Variants in SYT9 observed in about 807,000 individuals in gnomAD.
The protein encoded by SYT9 is synaptotagmin-9.
SYT9 carries 22 observed loss-of-function variants against 48.4 expected under a neutral mutation model. The observed-to-expected ratio is 0.45, with a 90% CI of 0.32 to 0.65. The LOEUF is 0.65. SYT9 is among the 30% of genes least tolerant of loss of function. The pLI is 0.03. For missense variants in SYT9, 577 were observed against 622.0 expected, an observed-to-expected ratio of 0.93 and a Z score of 0.77; for synonymous variants, 265 against 245.0, an observed-to-expected ratio of 1.08 and a Z score of -0.76.
chr11:7,380,598 T>TA (rs79350021), intron 3 of SYT9, among the ~76,000 whole-genome samples: 15,531 of 151,378 alleles, frequency 0.1, 862 homozygotes, highest in East Asian at 0.22. Context: ...TTTACAAAAA[T>TA]AAAAAATATA....
intron 6 of SYT9, among the ~76,000 whole-genome samples, chr11:7,447,721 C>T (rs72846848): frequency 0.011 from 1,640 of 152,210 alleles, 19 homozygotes; most frequent in Non-Finnish European, 0.017. Flanking sequence ...TTTGTGATAG[C>T]TCCCATAATG....
intron 3 of SYT9, among the ~76,000 whole-genome samples, chr11:7,379,192 C>T (rs1279483677): frequency 1.3e-5 from 2 of 152,122 alleles, no homozygotes; most frequent in Non-Finnish European, 2.9e-5. Flanking sequence ...TAGCCAAGGA[C>T]TCTCCTTGAC....
rs374562294 is a variant in SYT9, at chr11:7,466,405, G to A, written c.1468-387G>A. On this transcript the variant is annotated intron_variant, in intron 6 of 6. Transcript: ENST00000318881. Reference sequence around the variant, plus strand: ...ATCCCCAGCATCTATTACCATGCCTGGCACTTGTTTGGTGCACATTAAAAA... The same window carrying A: ...ATCCCCAGCATCTATTACCATGCCTAGCACTTGTTTGGTGCACATTAAAAA... Among the ~76,000 whole-genome samples, 196 of 152,188 alleles carry A rather than the reference G, an allele frequency of 1.3e-3. 4 individuals carry two copies. The highest frequency in any genetic ancestry group is 4.5e-3 in the African/African-American group (185 of 41,512).
At chr11:7,315,767 G>T (rs1483445821) in intron 3 of SYT9, among the ~76,000 whole-genome samples, 2 of 152,174 alleles carry the variant, frequency 1.3e-5, no homozygotes, top group Non-Finnish European at 2.9e-5. Flanking sequence ...CTGGCCCTGA[G>T]ATCACTGCCA....
intron 1 of SYT9, among the ~76,000 whole-genome samples, chr11:7,280,778 A>AGG (rs10666390): frequency 0.66 from 99,777 of 151,726 alleles, 32,904 homozygotes; most frequent in East Asian, 0.83. Context: ...GATGTAAGTA[A>AGG]GATACTATAG....
At chr11:7,324,798 C>G (rs11820499) in intron 3 of SYT9, among the ~76,000 whole-genome samples, 1 of 151,734 alleles carries the variant, frequency 6.6e-6, no homozygotes, top group Non-Finnish European at 1.5e-5. Flanking sequence ...GCTTTATGTT[C>G]TCTTACACAT....
At chr11:7,339,096 AC>A (rs1183118655) in intron 3 of SYT9, among the ~76,000 whole-genome samples, 1 of 151,948 alleles carries the variant, frequency 6.6e-6, no homozygotes, top group Non-Finnish European at 1.5e-5. Flanking sequence ...ATATGTAATG[AC>A]CTTCTTTGGG....
chr11:7,350,277 A>T (rs747264713), intron 3 of SYT9, among the ~76,000 whole-genome samples: 5 of 152,218 alleles, frequency 3.3e-5, no homozygotes, highest in Non-Finnish European at 7.3e-5. Flanking sequence ...GTTGCAGTAG[A>T]TGCTCACTAA....
rs1473390479 is a variant in SYT9, at chr11:7,418,043, G to A, written c.1252G>A (p.Val418Ile). 1.9e-6 allele frequency: 3 copies of A among 1,614,018 alleles called. No individual in the cohort carries two copies. In the African/African-American group the frequency reaches 4.0e-5, roughly 22 times the overall value. The change falls in exon 5 of 7, where the codon GTT becomes ATT. Residue 418 changes from valine (V) to isoleucine (I), a missense_variant. By Grantham distance (29) the Val-to-Ile change is conservative. Transcript: ENST00000318881. ...CACCAAGAGGAACACCTTGAATCCT[G>A]TTTACAACGAAGCCATAGTCTTTGA... is the stretch of plus-strand genomic sequence containing the variant. ...TSTKRNTLNP[V>I]YNEAIVFDVP...
At chr11:7,438,186 A>C (rs1030525869) in intron 6 of SYT9, 1 of 152,204 alleles carries the variant, frequency 6.6e-6, no homozygotes, top group Admixed American at 6.5e-5. Context: ...CCAGAGACAC[A>C]TGCTGACCCC....
In SYT9 at chr11:7,462,482, TA is replaced by T. The variant is rs536297275; in HGVS notation, c.1468-4300del. 1.5e-3 allele frequency among the ~76,000 whole-genome samples: 228 copies of T among 149,418 alleles called. 1 individual carries two copies. The highest frequency in any genetic ancestry group is 5.4e-3 in the African/African-American group (219 of 40,774). On this transcript the variant is annotated intron_variant, in intron 6 of 6. Transcript: ENST00000318881. ...TTGTTCTTAAAGCCGAGAGAGGAAGTAAAAAAAAAATAGAATGTCCTCTTTA... is the reference window on the plus strand; with the variant it reads ...TTGTTCTTAAAGCCGAGAGAGGAAGTAAAAAAAAATAGAATGTCCTCTTTA...
rs1044093130 is a variant in SYT9 at position 7,467,896 on chromosome 11, G to A, written c.*1096G>A. ...GATGGAAATACCTACAAGAGTGAAGGTCAAGGGCCCTCCCCAGGCATCTCA... is the reference window on the plus strand; with the variant it reads ...GATGGAAATACCTACAAGAGTGAAGATCAAGGGCCCTCCCCAGGCATCTCA... On this transcript the variant is annotated 3_prime_UTR_variant, in exon 7 of 7. Coordinates refer to ENST00000318881, the MANE Select transcript of SYT9 (RefSeq NM_175733.4). The A allele has an allele frequency of 3.1e-4, 56 of 182,188 alleles. No homozygotes were observed. The highest frequency in any genetic ancestry group is 1.1e-3 in the Admixed American group (17 of 16,056). 11.3% of individuals were successfully genotyped at this position (182,188 alleles called of 1,614,324 possible).
intron 3 of SYT9, among the ~76,000 whole-genome samples, chr11:7,337,877 G>C (rs1004822814): frequency 6.6e-6 from 1 of 152,126 alleles, no homozygotes; most frequent in Non-Finnish European, 1.5e-5. Flanking sequence ...TGGCATCACA[G>C]AATAAGCTGG....
intron 6 of SYT9, among the ~76,000 whole-genome samples, chr11:7,422,490 A>T (rs922488263): frequency 2.0e-5 from 3 of 152,190 alleles, no homozygotes; most frequent in African/African-American, 7.2e-5. Flanking sequence ...TCCTGGTGGA[A>T]TTCTCAAAGG....
intron 1 of SYT9, among the ~76,000 whole-genome samples, chr11:7,272,266 T>C (rs1455976633): frequency 1.3e-5 from 2 of 152,216 alleles, no homozygotes; most frequent in Non-Finnish European, 2.9e-5. Flanking sequence ...AGTTCTATTA[T>C]TAATCCCCTC....
intron 3 of SYT9, among the ~76,000 whole-genome samples, chr11:7,375,355 C>T (rs532863326): frequency 5.3e-4 from 81 of 152,218 alleles, no homozygotes; most frequent in African/African-American, 1.8e-3. Flanking sequence ...TAGCGTGATG[C>T]CTCCAGCTTT....
chr11:7,346,108 T>C (rs1398347074), intron 3 of SYT9, among the ~76,000 whole-genome samples: 2 of 152,158 alleles, frequency 1.3e-5, no homozygotes, highest in African/African-American at 4.8e-5. Context: ...AAGGGAACTT[T>C]CCATAGAGCA....
upstream of SYT9, among the ~76,000 whole-genome samples, chr11:7,247,978 C>CACCA (rs1589884049): frequency 6.6e-6 from 1 of 152,134 alleles, no homozygotes; most frequent in Non-Finnish European, 1.5e-5. Context: ...ACTGCATCCA[C>CACCA]ACCAACATCT....
intron 5 of SYT9, among the ~76,000 whole-genome samples, chr11:7,420,189 T>C (rs192990933): frequency 1.2e-4 from 18 of 152,244 alleles, no homozygotes; most frequent in African/African-American, 4.1e-4. Context: ...TTCAGATGAC[T>C]CCCTCTTTAT....
Sources: gnomAD v4.1 joint callset for allele counts (sites outside exome capture counted in the v4.1 genomes callset) on GRCh38, gnomAD v4.1.1 for gene constraint, MANE v1.5 for transcripts, NCBI Gene and HGNC (gene_info 2026-07-23, HGNC 2026-07-21) for gene names.